ADCY3: variants seen among roughly 807,000 people sequenced by gnomAD.
ADCY3 encodes adenylate cyclase 3.
A neutral mutation model predicts 119.4 loss-of-function variants in ADCY3; 70 were observed. The observed-to-expected ratio is 0.59, with a 90% CI of 0.48 to 0.72. ADCY3 has a LOEUF of 0.72. Among genes scored for constraint, ADCY3 ranks in the 30% least tolerant of loss-of-function variants. The pLI is 0.00. For synonymous variants in ADCY3, 672 were observed against 621.4 expected (o/e 1.08, Z -1.21); for missense variants, 1,238 against 1,541.6 (o/e 0.80, Z 3.30).
chr2:24,872,533 C>A lies in ADCY3; in HGVS notation c.825+37G>T, dbSNP rs1376080546. 1 of 1,604,760 alleles carries A rather than the reference C, an allele frequency of 6.2e-7. No individual in the cohort carries two copies. The highest frequency in any genetic ancestry group is 2.2e-5 in the East Asian group (1 of 44,762). The stretch of plus-strand genomic sequence containing the variant: ...CTCTGACAAGGCCACAGTCCCTGAG[C>A]CCAAGCTCCAGGCCCGAGGCCTCCC... On this transcript the variant is annotated intron_variant, in intron 3 of 21. Transcript: ENST00000679454. The surrounding 1 kb of genome is among the most constrained non-coding windows in gnomAD (Gnocchi z 4.4).
At chr2:24,867,791 A>C (rs1325473224) in intron 3 of ADCY3, among the ~76,000 whole-genome samples, 1 of 152,232 alleles carries the variant, frequency 6.6e-6, no homozygotes, top group African/African-American at 2.4e-5. Flanking sequence ...ATATAAGTAA[A>C]GAATATTAAT....
intron 2 of ADCY3, among the ~76,000 whole-genome samples, chr2:24,902,326 C>T (rs1204757871): frequency 2.0e-5 from 3 of 152,012 alleles, no homozygotes; most frequent in East Asian, 3.8e-4. Context: ...AGCGATCCTC[C>T]CACTTTGGCC....
chr2:24,831,859 CA>C (rs1323011288), intron 11 of ADCY3, 110 bp from the exon 12 acceptor site: 3 of 265,954 alleles, frequency 1.1e-5, no homozygotes, highest in African/African-American at 6.5e-5. Context: ...GGACAGCGGA[CA>C]GGGGGCAGGG....
Position 24,841,384 on chromosome 2 carries a change from T to C in ADCY3, c.1071A>G (p.Lys357=). 1 of 1,610,680 alleles carries C rather than the reference T, an allele frequency of 6.2e-7. No individual in the cohort carries two copies. The highest frequency in any genetic ancestry group is 8.5e-7 in the Non-Finnish European group (1 of 1,178,778). Residue 357 remains lysine, a splice_region_variant and synonymous_variant, in exon 6 of 22, where the codon AAA becomes AAG. Transcript: ENST00000679454. The surrounding 1 kb of genome is among the most constrained non-coding windows in gnomAD (Gnocchi z 5.8). ...GGATCTTAATCCGCAGCTGGTGGTA[T>C]TTCTGAAAGGGGAGGGCCTGGCCTG... ...LFARFDKLAA[K]YHQLRIKILG...
intron 2 of ADCY3, among the ~76,000 whole-genome samples, chr2:24,873,257 G>A (rs146589468): frequency 4.6e-5 from 7 of 152,242 alleles, no homozygotes; most frequent in African/African-American, 1.4e-4. Flanking sequence ...AGGCTGATTC[G>A]GCAGTCACAA....
Position 24,827,612 on chromosome 2 carries a change from T to C in ADCY3, c.2433-4A>G, listed in dbSNP as rs1442060402. On this transcript the variant is annotated splice_region_variant and splice_polypyrimidine_tract_variant and intron_variant, in intron 14 of 21. Coordinates refer to ENST00000679454, the MANE Select transcript of ADCY3 (RefSeq NM_004036.5). ...CTCTAAGGCCACCATAGGTAAGCTG[T>C]TGGACAGATAACAGCACAGTCAGGC... 1.9e-6 allele frequency: 3 copies of C among 1,582,460 alleles called. No individual in the cohort carries two copies. The highest frequency in any genetic ancestry group is 2.6e-6 in the Non-Finnish European group (3 of 1,161,056).
chr2:24,848,539 G>C (rs1220379378), intron 3 of ADCY3, among the ~76,000 whole-genome samples: 1 of 152,130 alleles, frequency 6.6e-6, no homozygotes, highest in Admixed American at 6.6e-5. Context: ...AGCACCACTG[G>C]GTTAGGGTCT....
chr2:24,918,642 C>T lies in ADCY3; in HGVS notation c.346G>A (p.Val116Met). ...AGCACGAAGAGGATGATGTCCAACA[C>T]CAGTCCAATTCCAGCCACGGCGAGG... ...ASLAVAGIGL[V>M]LDIILFVLCK... The change falls in exon 2 of 22, where the codon GTG (valine) becomes ATG (methionine). Residue 116 changes from valine (V) to methionine (M), a missense_variant. Physicochemically the swap from Val to Met is conservative, Grantham distance 21 (BLOSUM62 1). Around this residue, in one of 7 missense-constraint regions of ADCY3, gnomAD observed 227 missense variants for 249.3 expected, o/e 0.91. Transcript: ENST00000679454. The surrounding 1 kb of genome is among the most constrained non-coding windows in gnomAD (Gnocchi z 5.4). 1 of 1,614,144 alleles carries T rather than the reference C, an allele frequency of 6.2e-7. No homozygotes were observed. The highest frequency in any genetic ancestry group is 8.5e-7 in the Non-Finnish European group (1 of 1,180,032).
Position 24,842,466 on chromosome 2 carries a change from G to C in ADCY3, c.826-82C>G. 6.4e-7 allele frequency: 1 copy of C among 1,556,306 alleles called. No individual in the cohort carries two copies. Among genetic ancestry groups the C allele is most frequent in the East Asian group, 2.3e-5 (1 of 43,962 alleles). On this transcript the variant is annotated intron_variant, in intron 3 of 21. Coordinates refer to ENST00000679454, the MANE Select transcript of ADCY3 (RefSeq NM_004036.5). The surrounding 1 kb of genome is among the most constrained non-coding windows in gnomAD (Gnocchi z 4.9). Reference sequence around the variant, plus strand: ...AGATACTTCTGGGAAGAAATGCCCCGATCCTGGCAAGAAACGTGAGCAGGG... The same window carrying C: ...AGATACTTCTGGGAAGAAATGCCCCCATCCTGGCAAGAAACGTGAGCAGGG...
intron 3 of ADCY3, among the ~76,000 whole-genome samples, chr2:24,855,975 T>C (rs754341914): frequency 6.6e-6 from 1 of 152,196 alleles, no homozygotes; most frequent in Non-Finnish European, 1.5e-5. Flanking sequence ...CAGCCAGCAC[T>C]GTTCCCAGGG....
Position 24,834,926 on chromosome 2 carries a change from G to T in ADCY3, c.1673C>A (p.Pro558His), listed in dbSNP as rs76973899. 4 of 1,613,404 alleles carry T rather than the reference G, an allele frequency of 2.5e-6. No individual in the cohort carries two copies. The highest frequency in any genetic ancestry group is 3.4e-6 in the Non-Finnish European group (4 of 1,179,936). The change falls in exon 10 of 22, where the codon CCC (proline) becomes CAC (histidine). Residue 558 changes from proline (P) to histidine (H), a missense_variant. This residue lies in a region of ADCY3 where 499 missense variants were observed against 571.0 expected (regional missense o/e 0.87). Transcript: ENST00000679454. The surrounding 1 kb of genome is among the most constrained non-coding windows in gnomAD (Gnocchi z 4.2). ...PEEQDAQADN[P>H]SFPNPRRRLR... ...CCTCCGGCGTGGGTTGGGGAATGAG[G>T]GGTTGTCGGCCTGTGAGCCAGGGAG...
intron 2 of ADCY3, among the ~76,000 whole-genome samples, chr2:24,912,033 G>T (rs886705826): frequency 6.6e-6 from 1 of 152,212 alleles, no homozygotes. Context: ...GCACTAAACT[G>T]TAACAGAGCA....
chr2:24,869,498 T>C (rs1162835331), intron 3 of ADCY3, among the ~76,000 whole-genome samples: 2 of 152,026 alleles, frequency 1.3e-5, no homozygotes, highest in Non-Finnish European at 2.9e-5. Context: ...CTCAACCTCC[T>C]GGGCTCAAGC....
In ADCY3 at chr2:24,842,253, C is replaced by T. The variant is rs1364074005; in HGVS notation, c.956+1G>A. 6.2e-7 allele frequency: 1 copy of T among 1,614,104 alleles called. No individual in the cohort carries two copies. Among genetic ancestry groups the T allele is most frequent in the South Asian group, 1.1e-5 (1 of 91,076 alleles). On this transcript the variant is annotated splice_donor_variant, in intron 4 of 21. Coordinates refer to ENST00000679454, the MANE Select transcript of ADCY3 (RefSeq NM_004036.5). LOFTEE classifies it high-confidence loss of function. This position sits in a 1 kb window ranked among gnomAD's most constrained non-coding sequence, Gnocchi z 4.9. The stretch of plus-strand genomic sequence containing the variant: ...AGAGCCCGCGCCCCGGGCCGGCGTA[C>T]CTGACGTTCTCGTGACGGTACATGT...
chr2:24,844,296 G>T (rs569874038), intron 3 of ADCY3, among the ~76,000 whole-genome samples: 1 of 152,072 alleles, frequency 6.6e-6, no homozygotes, highest in Admixed American at 6.5e-5. Flanking sequence ...CTAGGGTGCA[G>T]GTCCCAGGCA....
chr2:24,917,495 C>G (rs1664593768), intron 2 of ADCY3, among the ~76,000 whole-genome samples: 1 of 152,224 alleles, frequency 6.6e-6, no homozygotes, highest in African/African-American at 2.4e-5. Context: ...TGCCTACTGT[C>G]CCTCAGGTCC....
intron 2 of ADCY3, among the ~76,000 whole-genome samples, chr2:24,909,957 G>C (rs1663374340): frequency 6.6e-6 from 1 of 152,220 alleles, no homozygotes; most frequent in South Asian, 2.1e-4. Flanking sequence ...CCTTCTCTCT[G>C]AGACCACCAT....
chr2:24,871,443 G>A (rs777426896), intron 3 of ADCY3, among the ~76,000 whole-genome samples: 20 of 152,192 alleles, frequency 1.3e-4, no homozygotes, highest in Non-Finnish European at 2.8e-4. Context: ...ATTGGTAAAC[G>A]GGGAGGAAGA....
chr2:24,883,466 C>T (rs1033477235), intron 2 of ADCY3, among the ~76,000 whole-genome samples: 2 of 152,202 alleles, frequency 1.3e-5, no homozygotes, highest in African/African-American at 4.8e-5. Flanking sequence ...TGGCCACACT[C>T]AGTTGGAGTT....
Sources: allele counts gnomAD v4.1 joint callset (sites outside exome capture counted in the v4.1 genomes callset), GRCh38; gene constraint gnomAD v4.1.1; regional missense constraint gnomAD v4.1.1; non-coding constraint Gnocchi (gnomAD v3.1); transcripts MANE v1.5; gene names NCBI Gene and HGNC (gene_info 2026-07-23, HGNC 2026-07-21).